The following BPTF variants were observed in gnomAD, a reference collection of about 807,000 sequenced individuals.
BPTF encodes bromodomain PHD finger transcription factor, also known as nucleosome-remodeling factor subunit BPTF.
A neutral mutation model predicts 292.5 loss-of-function variants in BPTF; 18 were observed. The observed-to-expected ratio is 0.06, with a 90% CI of 0.04 to 0.09. BPTF has a LOEUF of 0.09. Among genes scored for constraint, BPTF ranks in the 10% least tolerant of loss-of-function variants. BPTF has a pLI of 1.00. For synonymous variants in BPTF, 1,225 were observed against 1,251.9 expected (o/e 0.98, Z 0.45); for missense variants, 2,726 against 3,498.7 (o/e 0.78, Z 5.57).
intron 1 of BPTF, among the ~76,000 whole-genome samples, chr17:67,827,139 C>T (rs1178467490): frequency 6.6e-5 from 10 of 152,126 alleles, no homozygotes; most frequent in Admixed American, 6.6e-4. Flanking sequence ...GATCGCTTTG[C>T]CTTGCTTGGG....
chr17:67,875,471 A>T, intron 4 of BPTF: 2 of 1,089,238 alleles, frequency 1.8e-6, no homozygotes, highest in East Asian at 5.5e-5. Flanking sequence ...TTTTGTGATT[A>T]TTTAGTAGTT....
At chr17:67,971,189 C>T (rs1174964735) in intron 26 of BPTF, among the ~76,000 whole-genome samples, 3 of 152,214 alleles carry the variant, frequency 2.0e-5, no homozygotes, top group Non-Finnish European at 4.4e-5. Context: ...AGCAATTCTC[C>T]TGCCTCAGCC....
At chr17:67,878,858 A>C (rs930316353) in intron 4 of BPTF, among the ~76,000 whole-genome samples, 1 of 152,152 alleles carries the variant, frequency 6.6e-6, no homozygotes, top group African/African-American at 2.4e-5. Flanking sequence ...ATCTACACTG[A>C]ATTTTGAATG....
intron 15 of BPTF, among the ~76,000 whole-genome samples, chr17:67,927,678 C>T (rs1179140658): frequency 6.6e-6 from 1 of 152,162 alleles, no homozygotes; most frequent in Non-Finnish European, 1.5e-5. Flanking sequence ...CTCCAATAAG[C>T]TTACCCACAT....
intron 7 of BPTF, among the ~76,000 whole-genome samples, chr17:67,901,303 T>C (rs1413611742): frequency 2.8e-5 from 4 of 142,568 alleles, no homozygotes; most frequent in Admixed American, 2.0e-4. Context: ...TGAAGAATTG[T>C]TAAAAAAAAA....
intron 4 of BPTF, among the ~76,000 whole-genome samples, chr17:67,875,951 A>G (rs1278498879): frequency 1.3e-5 from 2 of 152,174 alleles, no homozygotes; most frequent in African/African-American, 4.8e-5. Context: ...CATAATTTTC[A>G]TGCTTCTTAA....
At chr17:67,860,102 G>A (rs1367005280) in intron 2 of BPTF, among the ~76,000 whole-genome samples, 2 of 152,132 alleles carry the variant, frequency 1.3e-5, no homozygotes, top group Non-Finnish European at 2.9e-5. Flanking sequence ...ATAATAAACT[G>A]CACAGATTTT....
chr17:67,874,912 G>T lies in BPTF; in HGVS notation c.1756G>T (p.Asp586Tyr). ...AAAAGACAAGAATGAGACTGAGAAT[G>T]ACTCTAAAGATGCTGAGAAAAACAG... ...TEKDKNETEN[D>Y]SKDAEKNREE... The change falls in exon 4 of 28, where the codon GAC (aspartate) becomes TAC (tyrosine). Residue 586 changes from aspartate (D) to tyrosine (Y), a missense_variant. Physicochemically the swap from Asp to Tyr is radical, Grantham distance 160. This residue lies in a region of BPTF where 187 missense variants were observed against 201.5 expected (regional missense o/e 0.93). Coordinates refer to ENST00000306378, the MANE Select transcript of BPTF (RefSeq NM_182641.4). 6.2e-7 allele frequency: 1 copy of T among 1,613,728 alleles called. No individual in the cohort carries two copies. Among genetic ancestry groups the T allele is most frequent in the South Asian group, 1.1e-5 (1 of 91,024 alleles).
At chr17:67,919,607 C>T (rs1416792459) in intron 12 of BPTF, among the ~76,000 whole-genome samples, 1 of 152,004 alleles carries the variant, frequency 6.6e-6, no homozygotes, top group African/African-American at 2.4e-5. Flanking sequence ...TCCCAGGGGC[C>T]AGAAGGGAAG....
chr17:67,911,051 A>T lies in BPTF; in HGVS notation c.3167A>T (p.Lys1056Ile). The change falls in exon 11 of 28, where the codon AAA becomes ATA. Residue 1056 changes from lysine (K) to isoleucine (I), a missense_variant. This residue lies in a region of BPTF where 713 missense variants were observed against 714.9 expected (regional missense o/e 1.00). Coordinates refer to ENST00000306378, the MANE Select transcript of BPTF (RefSeq NM_182641.4). ...AGGACTAGTTACAAAAAGAAAACAA[A>T]ATCATCCAAACTAGATGGACTTCTT... ...HLRTSYKKKT[K>I]SSKLDGLLER... 6.2e-7 allele frequency: 1 copy of T among 1,614,142 alleles called. No individual in the cohort carries two copies. Among genetic ancestry groups the T allele is most frequent in the East Asian group, 2.2e-5 (1 of 44,868 alleles).
intron 1 of BPTF, among the ~76,000 whole-genome samples, chr17:67,836,703 C>A (rs947434055): frequency 1.3e-5 from 2 of 152,138 alleles, no homozygotes; most frequent in Non-Finnish European, 2.9e-5. Flanking sequence ...TCACAGTAAT[C>A]AAGAGAACAA....
In BPTF at chr17:67,941,043, T is replaced by C. The variant is rs117691887; in HGVS notation, c.6477+387T>C. 6.6e-5 allele frequency among the ~76,000 whole-genome samples: 10 copies of C among 152,396 alleles called. No homozygotes were observed. The East Asian group carries it at 1.9e-3, about 29-fold the overall frequency. ...TCAAAATCCCAAGAGGTTTTGTTTTTAGTGAAACTTCACAAGCTGATACTG... is the reference window on the plus strand; with the variant it reads ...TCAAAATCCCAAGAGGTTTTGTTTTCAGTGAAACTTCACAAGCTGATACTG... On this transcript the variant is annotated intron_variant, in intron 19 of 27. Coordinates refer to ENST00000306378, the MANE Select transcript of BPTF (RefSeq NM_182641.4).
chr17:67,924,949 G>A lies in BPTF; in HGVS notation c.5751+360G>A, dbSNP rs1479583751. Among the ~76,000 whole-genome samples, 7 of 151,084 alleles carry A rather than the reference G, an allele frequency of 4.6e-5. No homozygotes were observed. The East Asian group carries it at 7.8e-4, about 17-fold the overall frequency. On this transcript the variant is annotated intron_variant, in intron 15 of 27. Transcript: ENST00000306378. ...TTTTTTGTAGTGATAGGGCTTCGCC[G>A]TGTTCCCCAGGCTGGTCTTAAACTC... is the stretch of plus-strand genomic sequence containing the variant.
chr17:67,866,566 A>G lies in BPTF; in HGVS notation c.1539A>G (p.Glu513=). Residue 513 remains glutamate (E), a synonymous_variant, in exon 3 of 28, where the codon GAA becomes GAG. Transcript: ENST00000306378. The part of the protein sequence containing the change: ...LIDCLDKDYW[E]AELCKILEEM... Reference sequence around the variant, plus strand: ...ACTGTCTAGACAAAGATTATTGGGAAGCAGAACTCTGCAAAATTCTAGAAG... The same window carrying G: ...ACTGTCTAGACAAAGATTATTGGGAGGCAGAACTCTGCAAAATTCTAGAAG... The G allele has an allele frequency of 6.2e-7, 1 of 1,614,128 alleles. No individual in the cohort carries two copies. The highest frequency in any genetic ancestry group is 8.5e-7 in the Non-Finnish European group (1 of 1,179,970).
At chr17:67,885,646 A>G (rs1395098424) in intron 4 of BPTF, among the ~76,000 whole-genome samples, 3 of 152,240 alleles carry the variant, frequency 2.0e-5, no homozygotes, top group Non-Finnish European at 4.4e-5. Flanking sequence ...TGGGCATAGT[A>G]TTCAGGCAGA....
At chr17:67,962,552 C>A (rs1555684649) in intron 24 of BPTF, among the ~76,000 whole-genome samples, 1 of 152,238 alleles carries the variant, frequency 6.6e-6, no homozygotes, top group Non-Finnish European at 1.5e-5. Context: ...TTGCATCATT[C>A]TCCACACCTT....
chr17:67,966,414 A>AG, intron 25 of BPTF, 158 bp from the exon 26 acceptor site: 7 of 530,458 alleles, frequency 1.3e-5, no homozygotes, highest in South Asian at 1.1e-4. Flanking sequence ...AGCTCATCTT[A>AG]GGTAACTATT....
intron 7 of BPTF, among the ~76,000 whole-genome samples, chr17:67,901,562 T>G (rs570531742): frequency 1.3e-5 from 2 of 152,320 alleles, no homozygotes; most frequent in East Asian, 3.9e-4. Context: ...CAAAGACCTT[T>G]TATAAATGAA....
chr17:67,930,862 C>T (rs1431347188), intron 17 of BPTF, among the ~76,000 whole-genome samples: 5 of 151,416 alleles, frequency 3.3e-5, no homozygotes, highest in Non-Finnish European at 5.9e-5. Context: ...GGGTAAGGGA[C>T]GAGAATTGCT....
Sources: gnomAD v4.1 joint callset for allele counts (sites outside exome capture counted in the v4.1 genomes callset) on GRCh38, gnomAD v4.1.1 for gene constraint, gnomAD v4.1.1 regional missense constraint, MANE v1.5 for transcripts, NCBI Gene and HGNC (gene_info 2026-07-23, HGNC 2026-07-21) for gene names.